Variants in RORB observed in about 807,000 individuals in gnomAD.
RORB encodes nuclear receptor ROR-beta.
In RORB, 6 loss-of-function variants were observed where a neutral mutation model predicts 59.1. That is an observed-to-expected ratio of 0.10 (90% CI 0.06 to 0.20). The LOEUF (loss-of-function observed/expected upper bound fraction) is 0.20. Among genes scored for constraint, RORB ranks in the 10% least tolerant of loss-of-function variants. RORB has a pLI of 1.00. For synonymous variants in RORB, 215 were observed against 204.5 expected (o/e 1.05, Z -0.44); for missense variants, 320 against 560.5 (o/e 0.57, Z 4.33).
chr9:74,572,080 C>G (rs1384288772), intron 1 of RORB, among the ~76,000 whole-genome samples: 2 of 152,146 alleles, frequency 1.3e-5, no homozygotes, highest in Non-Finnish European at 1.5e-5. Context: ...ATTTGCGACT[C>G]TTGCTAGGGT....
chr9:74,582,137 A>T (rs143418017), intron 1 of RORB, among the ~76,000 whole-genome samples: 165 of 152,294 alleles, frequency 1.1e-3, no homozygotes, highest in Middle Eastern at 6.8e-3. Context: ...GAGAAGTAAC[A>T]CTCAAAATGG....
chr9:74,662,865 A>C (rs1159783853), intron 6 of RORB, among the ~76,000 whole-genome samples: 1 of 152,160 alleles, frequency 6.6e-6, no homozygotes, highest in Admixed American at 6.5e-5. Context: ...CTTGACAGGC[A>C]GTGCAAGTAA....
intron 1 of RORB, among the ~76,000 whole-genome samples, chr9:74,627,103 A>G (rs2118405628): frequency 1.3e-5 from 2 of 150,986 alleles, no homozygotes; most frequent in East Asian, 3.9e-4. Context: ...CGGAGGTTGC[A>G]GTGAGCTGAG....
rs1182291015 is a variant in RORB, at chr9:74,656,530, G to A, written c.638-4087G>A. On this transcript the variant is annotated intron_variant, in intron 4 of 9. Transcript: ENST00000376896. ...GTGGGCAGATCGCCTGAGGTCAAGA[G>A]TTCGAGAACAGCCTGGCCAACATGA... Among the ~76,000 whole-genome samples, 3 of 152,184 alleles carry A rather than the reference G, an allele frequency of 2.0e-5. No homozygotes were observed. The East Asian group carries it at 5.8e-4, about 29-fold the overall frequency.
At chr9:74,644,217 T>G (rs1207901571) in intron 4 of RORB, among the ~76,000 whole-genome samples, 5 of 152,134 alleles carry the variant, frequency 3.3e-5, no homozygotes, top group African/African-American at 9.7e-5. Flanking sequence ...GCGTTATTTC[T>G]CCCTTTTAGC....
chr9:74,559,649 C>A (rs146387442), intron 1 of RORB, among the ~76,000 whole-genome samples: 4 of 152,126 alleles, frequency 2.6e-5, no homozygotes, highest in South Asian at 4.1e-4. Context: ...AAAGACAGGA[C>A]CTTTGGACTT....
rs945183067 is a variant in RORB at position 74,688,212 on chromosome 9, G to A, written c.*2594G>A. On this transcript the variant is annotated 3_prime_UTR_variant, in exon 10 of 10. Transcript: ENST00000376896. ...AGCTGGGAGGAAGGAAACAGAGCTA[G>A]CATCTGAACCAGAGCAAAACAATGG... 6.6e-6 allele frequency: 1 copy of A among 152,202 alleles called. No homozygotes were observed. The highest frequency in any genetic ancestry group is 1.5e-5 in the Non-Finnish European group (1 of 68,070). The allele number at this position is 152,202 out of a possible 1,614,324, so 9.4% of individuals were successfully genotyped here.
Position 74,642,831 on chromosome 9 carries a change from C to T in RORB, c.637+16C>T. 2 of 1,543,906 alleles carry T rather than the reference C, an allele frequency of 1.3e-6. No individual in the cohort carries two copies. Among genetic ancestry groups the T allele is most frequent in the Non-Finnish European group, 1.7e-6 (2 of 1,143,832 alleles). On this transcript the variant is annotated intron_variant, in intron 4 of 9. Coordinates refer to ENST00000376896, the MANE Select transcript of RORB (RefSeq NM_006914.4). ...ACTGAAATCGGTAAGTGGAAGTCTC[C>T]TCCCAGTGGCTTTTTTTGAGATTTT...
chr9:74,561,407 ATCTGTC>A (rs1259957979), intron 1 of RORB, among the ~76,000 whole-genome samples: 2 of 152,174 alleles, frequency 1.3e-5, no homozygotes, highest in African/African-American at 4.8e-5. Context: ...ATGTTTTGAC[ATCTGTC>A]TCTAAGTACC....
At chr9:74,609,575 G>T (rs11144023) in intron 1 of RORB, among the ~76,000 whole-genome samples, 19,230 of 152,204 alleles carry the variant, frequency 0.13, 1,473 homozygotes, top group Admixed American at 0.19. Context: ...ATTGATAGCT[G>T]ATATTTACTG....
Position 74,630,331 on chromosome 9 carries a change from G to A in RORB, c.57G>A (p.Gly19=), listed in dbSNP as rs749891772. ...PCKICGDKSS[G]IHYGVITCEG... ...AAATTTGTGGCGATAAGTCCTCTGG[G>A]ATCCACTACGGAGTCATCACATGTG... is the stretch of plus-strand genomic sequence containing the variant. Residue 19 remains glycine, a synonymous_variant, in exon 2 of 10, where the codon GGG becomes GGA. Coordinates refer to ENST00000376896, the MANE Select transcript of RORB (RefSeq NM_006914.4). 3 of 1,613,538 alleles carry A rather than the reference G, an allele frequency of 1.9e-6. No homozygotes were observed. The highest frequency in any genetic ancestry group is 8.5e-7 in the Non-Finnish European group (1 of 1,179,622).
intron 6 of RORB, 32 bp from the exon 7 acceptor site, chr9:74,665,456 A>ATTTTAT (rs764429935): frequency 1.5e-6 from 2 of 1,356,174 alleles, no homozygotes; most frequent in Non-Finnish European, 2.1e-6. Context: ...GTGTATTTTT[A>ATTTTAT]TTTTATTTTT....
intron 4 of RORB, among the ~76,000 whole-genome samples, chr9:74,643,298 G>C (rs1207301255): frequency 6.6e-6 from 1 of 152,200 alleles, no homozygotes; most frequent in Non-Finnish European, 1.5e-5. Flanking sequence ...CAGGGCGATA[G>C]ACCAGAAGAC....
intron 6 of RORB, among the ~76,000 whole-genome samples, chr9:74,664,261 CCCATGGAATCCAAATCT>C (rs1824234091): frequency 6.6e-6 from 1 of 152,114 alleles, no homozygotes; most frequent in Non-Finnish European, 1.5e-5. Context: ...CACCATGAGT[CCCATGGAATCCAAATCT>C]CCTGGAGGGG....
At chr9:74,603,299 C>T (rs145710236) in intron 1 of RORB, among the ~76,000 whole-genome samples, 25 of 152,212 alleles carry the variant, frequency 1.6e-4, no homozygotes, top group Admixed American at 3.3e-4. Context: ...AGCCACAGGA[C>T]GGGCAGTTTT....
chr9:74,640,486 C>T (rs559461146), intron 3 of RORB, among the ~76,000 whole-genome samples: 57 of 151,946 alleles, frequency 3.8e-4, no homozygotes, highest in South Asian at 2.1e-3. Flanking sequence ...GGTTTCACCA[C>T]GTTAGCCAGG....
intron 4 of RORB, among the ~76,000 whole-genome samples, chr9:74,656,735 C>CA (rs1824088908): frequency 6.6e-6 from 1 of 152,036 alleles, no homozygotes; most frequent in South Asian, 2.1e-4. Context: ...GACTCTGTCT[C>CA]AAAAATAAAT....
At chr9:74,625,000 G>A (rs1485254940) in intron 1 of RORB, among the ~76,000 whole-genome samples, 4 of 151,956 alleles carry the variant, frequency 2.6e-5, no homozygotes, top group African/African-American at 9.7e-5. Context: ...CTGGTGTCCA[G>A]GAATCATAGC....
intron 1 of RORB, among the ~76,000 whole-genome samples, chr9:74,564,652 T>A (rs905624680): frequency 6.6e-6 from 1 of 152,210 alleles, no homozygotes; most frequent in Non-Finnish European, 1.5e-5. Context: ...TCAGTAAATA[T>A]GCAGCTGGTG....
Sources: allele counts gnomAD v4.1 joint callset (sites outside exome capture counted in the v4.1 genomes callset), GRCh38; gene constraint gnomAD v4.1.1; transcripts MANE v1.5; gene names NCBI Gene and HGNC (gene_info 2026-07-23, HGNC 2026-07-21).